WASHC5: variants seen among roughly 807,000 people sequenced by gnomAD.
The protein encoded by WASHC5 is WASH complex subunit 5.
A neutral mutation model predicts 150.4 loss-of-function variants in WASHC5; 101 were observed. The ratio of observed to expected loss-of-function variants is 0.67; its 90% CI spans 0.57 to 0.79. The LOEUF is 0.79. WASHC5 is among the 30% of genes least tolerant of loss of function. The pLI is 0.00. For synonymous variants in WASHC5, 467 were observed against 491.2 expected (o/e 0.95, Z 0.65); for missense variants, 1,195 against 1,396.3 (o/e 0.86, Z 2.30).
chr8:125,047,010 C>T (rs1201974836), intron 20 of WASHC5, among the ~76,000 whole-genome samples, 197 bp downstream of exon 20: 8 of 152,166 alleles, frequency 5.3e-5, no homozygotes, highest in African/African-American at 7.2e-5. Flanking sequence ...TCTTGCTGTG[C>T]GGTCAGGTTC....
At chr8:125,087,145 T>C (rs976680465) in intron 1 of WASHC5, among the ~76,000 whole-genome samples, 1 of 152,216 alleles carries the variant, frequency 6.6e-6, no homozygotes, top group Non-Finnish European at 1.5e-5. Flanking sequence ...ACAGTACAAG[T>C]TGTCAATTTA....
At position 125,034,851 on chromosome 8, in the gene WASHC5, A is replaced by G. The variant is rs149645107; in HGVS notation, c.3181+2386T>C. ...GGTGGAAAGCAAGAGTGATGTTAAC[A>G]ACAAACACTTCTACAACTAGCACTA... On this transcript the variant is annotated intron_variant, in intron 26 of 28. Coordinates refer to ENST00000318410, the MANE Select transcript of WASHC5 (RefSeq NM_014846.4). Among the ~76,000 whole-genome samples the G allele has an allele frequency of 1.4e-3, 220 of 152,358 alleles. 2 individuals carry two copies. Among genetic ancestry groups the G allele is most frequent in the African/African-American group, 5.0e-3 (209 of 41,586 alleles).
chr8:125,083,099 A>G lies in WASHC5; in HGVS notation c.332+14T>C. 1 of 1,455,812 alleles carries G rather than the reference A, an allele frequency of 6.9e-7. No homozygotes were observed. Among genetic ancestry groups the G allele is most frequent in the Non-Finnish European group, 9.6e-7 (1 of 1,038,596 alleles). 90.2% of individuals were successfully genotyped at this position (1,455,812 alleles called of 1,614,324 possible). On this transcript the variant is annotated intron_variant, in intron 3 of 28. Transcript: ENST00000318410. ...TTTACTACCAGAATAAGCTATTCCT[A>G]AATAGATCAATACCTGTTTAAGTCT...
In WASHC5 at chr8:125,032,277, C is replaced by A; in HGVS notation, c.3299G>T (p.Gly1100Val). Residue 1100 changes from glycine to valine, a missense_variant, in exon 27 of 29, where the codon GGC (glycine) becomes GTC (valine). Around this residue, in one of 3 missense-constraint regions of WASHC5, gnomAD observed 997 missense variants for 1,168.1 expected, o/e 0.85. Coordinates refer to ENST00000318410, the MANE Select transcript of WASHC5 (RefSeq NM_014846.4). ...RYTEQFLALI[G>V]QFICSTVEQC... ...CTCCACCGTGGAGCAGATAAACTGGCCAATCAGCGCCAGGAACTGCTCGGT... is the reference window on the plus strand; with the variant it reads ...CTCCACCGTGGAGCAGATAAACTGGACAATCAGCGCCAGGAACTGCTCGGT... The A allele has an allele frequency of 6.2e-7, 1 of 1,614,158 alleles. No individual in the cohort carries two copies. The highest frequency in any genetic ancestry group is 8.5e-7 in the Non-Finnish European group (1 of 1,180,032).
At chr8:125,042,031 G>A (rs1293511990) in intron 23 of WASHC5, among the ~76,000 whole-genome samples, 1 of 152,120 alleles carries the variant, frequency 6.6e-6, no homozygotes, top group Non-Finnish European at 1.5e-5. Flanking sequence ...TAGAAATAAA[G>A]TCAGTTTAAT....
chr8:125,030,086 C>T (rs1355881129), intron 27 of WASHC5, among the ~76,000 whole-genome samples: 1 of 152,208 alleles, frequency 6.6e-6, no homozygotes, highest in Non-Finnish European at 1.5e-5. Context: ...CAATAACATG[C>T]TGGACTAGAG....
intron 25 of WASHC5, 102 bp downstream of exon 25, chr8:125,038,728 C>G: frequency 7.1e-7 from 1 of 1,410,636 alleles, no homozygotes; most frequent in Non-Finnish European, 1.0e-6. Context: ...GCTCTGGGGT[C>G]TGAACCCAGG....
chr8:125,042,774 C>A (rs1301916202), intron 23 of WASHC5, among the ~76,000 whole-genome samples: 1 of 152,094 alleles, frequency 6.6e-6, no homozygotes, highest in African/African-American at 2.4e-5. Flanking sequence ...AATCATGAGG[C>A]TAGGGGAAGG....
chr8:125,079,185 C>CTTTTTTTTTTTTTTT (rs34211379), intron 5 of WASHC5, among the ~76,000 whole-genome samples: 2 of 57,560 alleles, frequency 3.5e-5, no homozygotes, highest in African/African-American at 7.9e-5. Flanking sequence ...TATATATAAC[C>CTTTTTTTTTTTTTTT]TTTTTTTTTT....
chr8:125,046,601 T>C (rs1453654744), intron 20 of WASHC5, among the ~76,000 whole-genome samples: 1 of 152,232 alleles, frequency 6.6e-6, no homozygotes, highest in Non-Finnish European at 1.5e-5. Context: ...AGCTTTTCTG[T>C]GCTTCAGTTA....
Position 125,083,970 on chromosome 8 carries a change from T to C in WASHC5, c.-72A>G, listed in dbSNP as rs1174981607. On this transcript the variant is annotated 5_prime_UTR_variant, in exon 2 of 29. The change creates a new upstream start codon in the 5' untranslated region. Transcript: ENST00000318410. Reference sequence around the variant, plus strand: ...ACTGGCCTCAGAGCTGGTGTCTGTATATTATTAGATGAAACCAGGTGTGCA... The same window carrying C: ...ACTGGCCTCAGAGCTGGTGTCTGTACATTATTAGATGAAACCAGGTGTGCA... The C allele has an allele frequency of 7.9e-6, 11 of 1,398,786 alleles. No homozygotes were observed. In the South Asian group the frequency reaches 1.2e-4, roughly 15 times the overall value. The allele number at this position is 1,398,786 out of a possible 1,614,324, so 86.6% of individuals were successfully genotyped here.
At chr8:125,052,760 T>C (rs1258418186) in intron 17 of WASHC5, among the ~76,000 whole-genome samples, 2 of 152,188 alleles carry the variant, frequency 1.3e-5, no homozygotes, top group Non-Finnish European at 2.9e-5. Flanking sequence ...ATGGAATATT[T>C]AACCATTCCC....
At position 125,078,939 on chromosome 8, in the gene WASHC5, T is replaced by C. The variant is rs1166302370; in HGVS notation, c.519-9A>G. On this transcript the variant is annotated splice_polypyrimidine_tract_variant and intron_variant, in intron 5 of 28. Coordinates refer to ENST00000318410, the MANE Select transcript of WASHC5 (RefSeq NM_014846.4). The stretch of plus-strand genomic sequence containing the variant: ...CAGAAGATCGAGCAGCACTGAGTCA[T>C]ATTCACAATGGGAAACAAAGACCCA... The C allele has an allele frequency of 6.2e-7, 1 of 1,610,212 alleles. No individual in the cohort carries two copies. Among genetic ancestry groups the C allele is most frequent in the South Asian group, 1.1e-5 (1 of 91,012 alleles).
Position 125,081,699 on chromosome 8 carries a change from T to C in WASHC5, c.480A>G (p.Glu160=). 6.2e-7 allele frequency: 1 copy of C among 1,612,614 alleles called. No homozygotes were observed. Among genetic ancestry groups the C allele is most frequent in the Non-Finnish European group, 8.5e-7 (1 of 1,178,764 alleles). The change falls in exon 5 of 29, where the codon GAA becomes GAG. Residue 160 remains glutamate, a synonymous_variant. Coordinates refer to ENST00000318410, the MANE Select transcript of WASHC5 (RefSeq NM_014846.4). The part of the protein sequence containing the change: ...LLVIDQKIEG[E]VRERMLVSYY... The stretch of plus-strand genomic sequence containing the variant: ...AAGAAACCAGCATCCTCTCTCTGAC[T>C]TCTCCTTCAATCTTTTGGTCAATGA...
intron 19 of WASHC5, among the ~76,000 whole-genome samples, 166 bp from the exon 20 acceptor site, chr8:125,047,497 G>A (rs559629189): frequency 6.6e-6 from 1 of 151,880 alleles, no homozygotes; most frequent in Admixed American, 6.6e-5. Flanking sequence ...GAGTGCAGTG[G>A]CATGATCTTG....
At chr8:125,039,719 G>C in intron 24 of WASHC5, 76 bp downstream of exon 24, 1 of 971,966 alleles carries the variant, frequency 1.0e-6, no homozygotes, top group South Asian at 1.3e-5. Flanking sequence ...AAAAGAGTAA[G>C]AACTGAAGAA....
At chr8:125,025,698 A>C (rs1267020151) in intron 28 of WASHC5, among the ~76,000 whole-genome samples, 2 of 152,208 alleles carry the variant, frequency 1.3e-5, no homozygotes, top group African/African-American at 4.8e-5. Flanking sequence ...CCTATGTAAC[A>C]AACCTGCACA....
At position 125,053,906 on chromosome 8, in the gene WASHC5, ATATAAGCCGTTAAGTCC is replaced by A. The variant is rs1349012951; in HGVS notation, c.2097+1668_2097+1684del. Among the ~76,000 whole-genome samples, 4 of 152,338 alleles carry A rather than the reference ATATAAGCCGTTAAGTCC, an allele frequency of 2.6e-5. No homozygotes were observed. In the South Asian group the frequency reaches 8.3e-4, roughly 32 times the overall value. ...TGGATAATATCAAGTATTGGTGAAG[ATATAAGCCGTTAAGTCC>A]CAATGGCCTTCTGATATTTCCAACT... On this transcript the variant is annotated intron_variant, in intron 17 of 28. Coordinates refer to ENST00000318410, the MANE Select transcript of WASHC5 (RefSeq NM_014846.4).
chr8:125,061,039 G>A lies in WASHC5; in HGVS notation c.1521+43C>T, dbSNP rs556013032. The A allele has an allele frequency of 2.7e-6, 3 of 1,091,476 alleles. No homozygotes were observed. The African/African-American group carries it at 4.6e-5, about 17-fold the overall frequency. 67.6% of individuals were successfully genotyped at this position (1,091,476 alleles called of 1,614,324 possible). On this transcript the variant is annotated intron_variant, in intron 12 of 28. Coordinates refer to ENST00000318410, the MANE Select transcript of WASHC5 (RefSeq NM_014846.4). ...GACTGCTGGGTGGGTCATAAGGTGT[G>A]ATTCATGATCCAAGAACCTGCATTT...
Sources: gnomAD v4.1 joint callset for allele counts (sites outside exome capture counted in the v4.1 genomes callset) on GRCh38, gnomAD v4.1.1 for gene constraint, gnomAD v4.1.1 regional missense constraint, MANE v1.5 for transcripts, NCBI Gene and HGNC (gene_info 2026-07-23, HGNC 2026-07-21) for gene names.